The following FBXL7 variants were observed in gnomAD, a reference collection of about 807,000 sequenced individuals.
The protein encoded by FBXL7 is F-box/LRR-repeat protein 7.
Under a neutral mutation model 38.3 loss-of-function variants are expected in FBXL7, and 12 were observed. The ratio of observed to expected loss-of-function variants is 0.31; its 90% CI spans 0.20 to 0.51. The LOEUF is 0.51. Ranked by LOEUF, FBXL7 falls within the 20% of genes least tolerant of loss-of-function variation. The pLI, the probability that FBXL7 is intolerant of heterozygous loss-of-function variation, is 0.98. For missense variants in FBXL7, 567 were observed against 676.4 expected (o/e 0.84, Z 1.79); for synonymous variants, 297 against 300.9 (o/e 0.99, Z 0.13).
chr5:15,575,066 A>G (rs1239178139), intron 1 of FBXL7, among the ~76,000 whole-genome samples: 1 of 152,130 alleles, frequency 6.6e-6, no homozygotes, highest in Admixed American at 6.6e-5. Context: ...GGCATCTGGC[A>G]TCTAGTGAGT....
intron 3 of FBXL7, among the ~76,000 whole-genome samples, chr5:15,929,166 G>A (rs887760174): frequency 6.6e-6 from 1 of 152,192 alleles, no homozygotes; most frequent in African/African-American, 2.4e-5. Flanking sequence ...ACACTCAGCT[G>A]TGGGCTGTGC....
intron 1 of FBXL7, among the ~76,000 whole-genome samples, chr5:15,510,805 T>C (rs1273721454): frequency 2.0e-5 from 3 of 152,218 alleles, no homozygotes; most frequent in Non-Finnish European, 2.9e-5. Flanking sequence ...ATTGAGCACT[T>C]ACTAGGTGCC....
intron 2 of FBXL7, among the ~76,000 whole-genome samples, chr5:15,816,269 G>A (rs62350602): frequency 1.3e-5 from 2 of 149,888 alleles, no homozygotes; most frequent in South Asian, 2.1e-4. Context: ...ATATATGTGT[G>A]TATATATATA....
At chr5:15,673,293 G>C (rs1742546056) in intron 2 of FBXL7, among the ~76,000 whole-genome samples, 1 of 151,922 alleles carries the variant, frequency 6.6e-6, no homozygotes, top group Admixed American at 6.6e-5. Context: ...TCCAGCCTGG[G>C]TGACAAGAGC....
At position 15,500,448 on chromosome 5, in the gene FBXL7, C is replaced by T; in HGVS notation, c.-229C>T. The T allele has an allele frequency of 5.3e-6, 3 of 568,918 alleles. No individual in the cohort carries two copies. Among genetic ancestry groups the T allele is most frequent in the Non-Finnish European group, 9.2e-6 (3 of 325,762 alleles). 35.2% of individuals were successfully genotyped at this position (568,918 alleles called of 1,614,324 possible). A position where few individuals can be genotyped will look rare whatever the true frequency, so the allele number is the denominator to read the frequency against. ...CGGCCCCCAGCGCGGATTGTAAGTG[C>T]TGCAGCTGTGCCCGGCCCCGCCTGG... On this transcript the variant is annotated 5_prime_UTR_variant, in exon 1 of 4. Transcript: ENST00000504595.
Position 15,899,669 on chromosome 5 carries a change from G to A in FBXL7, c.128-28221G>A, listed in dbSNP as rs73752374. Among the ~76,000 whole-genome samples the A allele has an allele frequency of 7.0e-3, 1,066 of 152,170 alleles. 19 individuals are homozygous for A. The highest frequency in any genetic ancestry group is 0.024 in the African/African-American group (1,012 of 41,510). Reference sequence around the variant, plus strand: ...AAGCTCAGAAGGGTGATGTCATGCAGTCTCCCCAGTCAGGAACTATTCAGA... The same window carrying A: ...AAGCTCAGAAGGGTGATGTCATGCAATCTCCCCAGTCAGGAACTATTCAGA... On this transcript the variant is annotated intron_variant, in intron 2 of 3. Transcript: ENST00000504595.
chr5:15,712,642 C>T (rs1743912977), intron 2 of FBXL7, among the ~76,000 whole-genome samples: 1 of 150,840 alleles, frequency 6.6e-6, no homozygotes, highest in African/African-American at 2.4e-5. Flanking sequence ...TCTATGGAGC[C>T]TAGAGATCAT....
intron 2 of FBXL7, among the ~76,000 whole-genome samples, chr5:15,802,735 C>T (rs1737604115): frequency 6.6e-6 from 1 of 151,918 alleles, no homozygotes; most frequent in African/African-American, 2.4e-5. Context: ...CTCACTGCAA[C>T]CTCCGCCTCC....
At chr5:15,913,821 C>T (rs567993146) in intron 2 of FBXL7, among the ~76,000 whole-genome samples, 1 of 152,108 alleles carries the variant, frequency 6.6e-6, no homozygotes, top group Non-Finnish European at 1.5e-5. Flanking sequence ...CCAAGCTTTG[C>T]AAAACTATCT....
intron 2 of FBXL7, among the ~76,000 whole-genome samples, chr5:15,674,594 G>T (rs893457084): frequency 1.3e-5 from 2 of 152,122 alleles, no homozygotes; most frequent in African/African-American, 2.4e-5. Flanking sequence ...AACTCATAGG[G>T]TTTGTAATTT....
intron 2 of FBXL7, among the ~76,000 whole-genome samples, chr5:15,618,502 T>C (rs1740523760): frequency 6.6e-6 from 1 of 152,212 alleles, no homozygotes; most frequent in Admixed American, 6.5e-5. Flanking sequence ...TCAGGGATGT[T>C]TGCGGGATGA....
chr5:15,552,059 C>G (rs370700085), intron 1 of FBXL7, among the ~76,000 whole-genome samples: 25 of 152,334 alleles, frequency 1.6e-4, no homozygotes, highest in African/African-American at 5.8e-4. Flanking sequence ...GGCACTCTGA[C>G]ATACAGATTG....
intron 1 of FBXL7, among the ~76,000 whole-genome samples, chr5:15,513,144 C>T (rs1383253137): frequency 6.6e-6 from 1 of 151,856 alleles, no homozygotes; most frequent in African/African-American, 2.4e-5. Context: ...AGCAAAATAA[C>T]CAATGTAAGA....
At chr5:15,661,264 A>G (rs185170030) in intron 2 of FBXL7, among the ~76,000 whole-genome samples, 101 of 152,292 alleles carry the variant, frequency 6.6e-4, no homozygotes, top group African/African-American at 1.9e-3. Flanking sequence ...TCCTGTGTCC[A>G]TGGTAAAGTA....
chr5:15,833,422 G>T (rs1019593996), intron 2 of FBXL7, among the ~76,000 whole-genome samples: 1 of 152,168 alleles, frequency 6.6e-6, no homozygotes, highest in African/African-American at 2.4e-5. Flanking sequence ...TCACCGATTA[G>T]TGATGGTATT....
intron 1 of FBXL7, among the ~76,000 whole-genome samples, chr5:15,541,697 A>C (rs989853168): frequency 6.6e-6 from 1 of 151,064 alleles, no homozygotes; most frequent in Non-Finnish European, 1.5e-5. Flanking sequence ...GGCGCCCGCC[A>C]CCACGCTTGG....
chr5:15,703,422 C>T (rs567935009), intron 2 of FBXL7, among the ~76,000 whole-genome samples: 7 of 152,184 alleles, frequency 4.6e-5, no homozygotes, highest in South Asian at 2.1e-4. Flanking sequence ...CTTTATTTTT[C>T]GTTTGAAGTG....
At position 15,596,913 on chromosome 5, in the gene FBXL7, A is replaced by G. The variant is rs535027418; in HGVS notation, c.38-19070A>G. Reference sequence around the variant, plus strand: ...CATCTCTTCATCTCTATCCTTTGCAATATCCTTTATAGTAAGCCAGTAAAC... The same window carrying G: ...CATCTCTTCATCTCTATCCTTTGCAGTATCCTTTATAGTAAGCCAGTAAAC... On this transcript the variant is annotated intron_variant, in intron 1 of 3. Coordinates refer to ENST00000504595, the MANE Select transcript of FBXL7 (RefSeq NM_012304.5). 1.1e-4 allele frequency among the ~76,000 whole-genome samples: 17 copies of G among 152,230 alleles called. No individual in the cohort carries two copies. The South Asian group carries it at 2.9e-3, about 26-fold the overall frequency.
At chr5:15,665,983 G>C (rs560534155) in intron 2 of FBXL7, among the ~76,000 whole-genome samples, 17 of 152,098 alleles carry the variant, frequency 1.1e-4, no homozygotes, top group Non-Finnish European at 2.4e-4. Context: ...TATACAAAGA[G>C]AATAATATAA....
Sources: allele counts gnomAD v4.1 joint callset (sites outside exome capture counted in the v4.1 genomes callset), GRCh38; gene constraint gnomAD v4.1.1; transcripts MANE v1.5; gene names NCBI Gene and HGNC (gene_info 2026-07-23, HGNC 2026-07-21).